The following MAP7 variants were observed in gnomAD, a reference collection of about 807,000 sequenced individuals.
MAP7 encodes the protein microtubule associated protein 7, also known as ensconsin.
Under a neutral mutation model 94.8 loss-of-function variants are expected in MAP7, and 52 were observed. That is an observed-to-expected ratio of 0.55 (90% CI 0.44 to 0.69). The LOEUF (loss-of-function observed/expected upper bound fraction) is 0.69, where lower values mean the gene tolerates loss of function less well. MAP7 is among the 30% of genes least tolerant of loss of function. The pLI is 0.00. For synonymous variants in MAP7, 350 were observed against 357.0 expected (o/e 0.98, Z 0.22); for missense variants, 940 against 964.6 (o/e 0.97, Z 0.34).
chr6:136,446,314 G>A (rs2128868052), intron 1 of MAP7, among the ~76,000 whole-genome samples: 1 of 151,904 alleles, frequency 6.6e-6, no homozygotes, highest in Admixed American at 6.6e-5. Flanking sequence ...ATAGGGCACA[G>A]CAGATCATCA....
At chr6:136,367,881 C>CTTT (rs11403174) in intron 8 of MAP7, among the ~76,000 whole-genome samples, 10 of 150,708 alleles carry the variant, frequency 6.6e-5, no homozygotes, top group Middle Eastern at 3.4e-3. Context: ...AGTAGCCCTT[C>CTTT]TTTTTTTTTC....
At chr6:136,383,921 T>A (rs1778477153) in intron 5 of MAP7, 140 bp from the exon 6 acceptor site, 24 of 595,450 alleles carry the variant, frequency 4.0e-5, no homozygotes, top group Non-Finnish European at 7.1e-5. Context: ...GTTTTCTAAG[T>A]GGACATTTTA....
intron 1 of MAP7, among the ~76,000 whole-genome samples, chr6:136,516,904 A>T (rs1028898056): frequency 1.3e-5 from 2 of 152,006 alleles, no homozygotes; most frequent in African/African-American, 2.4e-5. Context: ...GGACATTGCC[A>T]TCAAGCAACT....
At chr6:136,485,004 C>T (rs147913411) in intron 1 of MAP7, among the ~76,000 whole-genome samples, 4 of 152,240 alleles carry the variant, frequency 2.6e-5, no homozygotes, top group Admixed American at 6.5e-5. Context: ...CCATGTTCAA[C>T]GATTCTTAAG....
intron 1 of MAP7, among the ~76,000 whole-genome samples, chr6:136,472,905 C>A (rs189430806): frequency 1.6e-4 from 24 of 152,214 alleles, no homozygotes; most frequent in East Asian, 1.5e-3. Context: ...CTGCTCAAAT[C>A]ATATCTTCCA....
At chr6:136,376,247 C>T (rs1221365231) in intron 7 of MAP7, among the ~76,000 whole-genome samples, 1 of 152,030 alleles carries the variant, frequency 6.6e-6, no homozygotes, top group Admixed American at 6.5e-5. Context: ...TACAGGCGCC[C>T]GCCACCACGC....
chr6:136,466,197 AT>A (rs1806988679), intron 1 of MAP7, among the ~76,000 whole-genome samples: 1 of 152,190 alleles, frequency 6.6e-6, no homozygotes, highest in African/African-American at 2.4e-5. Flanking sequence ...AAATAAAAAA[AT>A]AAGTAGGCAA....
At chr6:136,540,489 G>A (rs549445270) in intron 1 of MAP7, among the ~76,000 whole-genome samples, 6 of 152,278 alleles carry the variant, frequency 3.9e-5, no homozygotes, top group East Asian at 1.9e-4. Context: ...AGAAATGTGC[G>A]TACATGTGGA....
chr6:136,348,979 C>T (rs1400804558), intron 16 of MAP7, among the ~76,000 whole-genome samples: 1 of 152,200 alleles, frequency 6.6e-6, no homozygotes, highest in African/African-American at 2.4e-5. Context: ...TTCTTAGCCT[C>T]TGGACTAGAG....
intron 6 of MAP7, among the ~76,000 whole-genome samples, chr6:136,378,483 T>C (rs183031675): frequency 6.2e-4 from 94 of 152,348 alleles, no homozygotes; most frequent in Non-Finnish European, 1.2e-3. Flanking sequence ...ACCTTTTCAC[T>C]TGGCAAGCCA....
At chr6:136,421,244 C>T (rs1791243210) in intron 2 of MAP7, among the ~76,000 whole-genome samples, 1 of 152,128 alleles carries the variant, frequency 6.6e-6, no homozygotes, top group African/African-American at 2.4e-5. Flanking sequence ...ACAAGCTTTG[C>T]TATGTGTAAA....
chr6:136,524,084 A>G (rs1021628587), intron 1 of MAP7, among the ~76,000 whole-genome samples: 1 of 151,886 alleles, frequency 6.6e-6, no homozygotes, highest in Non-Finnish European at 1.5e-5. Flanking sequence ...TACTAAAAAT[A>G]CAAAAAAAAA....
chr6:136,502,835 T>C (rs1820198049), intron 1 of MAP7, among the ~76,000 whole-genome samples: 1 of 152,202 alleles, frequency 6.6e-6, no homozygotes, highest in South Asian at 2.1e-4. Flanking sequence ...ATTTTTTTTT[T>C]CCCAGCAAAG....
rs564515538 is a variant in MAP7, at chr6:136,455,686, T to C, written c.68-33887A>G. Among the ~76,000 whole-genome samples the C allele has an allele frequency of 3.3e-4, 50 of 152,254 alleles. No homozygotes were observed. In the South Asian group the frequency reaches 4.4e-3, roughly 13 times the overall value. ...ACAAATATGTGGAAATTAAACAATATACTCTTAACCAATGAATGGGTCTTT... is the reference window on the plus strand; with the variant it reads ...ACAAATATGTGGAAATTAAACAATACACTCTTAACCAATGAATGGGTCTTT... On this transcript the variant is annotated intron_variant, in intron 1 of 17. Coordinates refer to ENST00000354570, the MANE Select transcript of MAP7 (RefSeq NM_003980.6).
chr6:136,501,130 T>TC (rs1819721548), intron 1 of MAP7, among the ~76,000 whole-genome samples: 1 of 152,212 alleles, frequency 6.6e-6, no homozygotes, highest in Non-Finnish European at 1.5e-5. Flanking sequence ...ACTAAAAACC[T>TC]GAAATGTTTC....
In MAP7 at chr6:136,345,974, T is replaced by G. The variant is rs201696594; in HGVS notation, c.2121A>C (p.Leu707Phe). The G allele has an allele frequency of 4.3e-6, 7 of 1,613,616 alleles. No individual in the cohort carries two copies. The highest frequency in any genetic ancestry group is 5.9e-6 in the Non-Finnish European group (7 of 1,179,604). Residue 707 changes from leucine to phenylalanine, a missense_variant, in exon 17 of 18, where the codon TTA (leucine) becomes TTC (phenylalanine). Leu to Phe is a conservative substitution (Grantham distance 22). Transcript: ENST00000354570. The part of the protein sequence containing the change: ...NLPIGSKPSR[L>F]DVTNSESPEI... ...CTGGGCTCTCACTGTTGGTGACATC[T>G]AATCTGGATGGTTTAGATCCAATGG...
At chr6:136,373,716 C>G (rs1374043897) in intron 7 of MAP7, among the ~76,000 whole-genome samples, 1 of 152,156 alleles carries the variant, frequency 6.6e-6, no homozygotes, top group Non-Finnish European at 1.5e-5. Flanking sequence ...TATAAAAGGA[C>G]TTCTCAACTG....
intron 13 of MAP7, 25 bp downstream of exon 13, chr6:136,360,672 G>C: frequency 1.9e-6 from 3 of 1,606,460 alleles, no homozygotes; most frequent in South Asian, 1.1e-5. Flanking sequence ...TCGCGTCCCG[G>C]GCCTCTCTAC....
intron 1 of MAP7, among the ~76,000 whole-genome samples, chr6:136,509,370 T>C (rs1822545860): frequency 6.6e-6 from 1 of 152,164 alleles, no homozygotes; most frequent in South Asian, 2.1e-4. Context: ...TTCCACCTAT[T>C]TTCTCCCTCT....
Sources: allele counts gnomAD v4.1 joint callset (sites outside exome capture counted in the v4.1 genomes callset), GRCh38; gene constraint gnomAD v4.1.1; transcripts MANE v1.5; gene names NCBI Gene and HGNC (gene_info 2026-07-23, HGNC 2026-07-21).